Variants in BLTP1 observed in about 807,000 individuals in gnomAD.
BLTP1 encodes fragile site-associated protein.
At chr4:122,356,439 A>G in the BLTP1 span, 1 of 208,508 alleles carries the variant, frequency 4.8e-6, no homozygotes, top group Admixed American at 6.5e-5. Flanking sequence ...AATTGGATAA[A>G]GGATACTCAA....
chr4:122,251,584 G>T, the BLTP1 span: 1 of 985,138 alleles, frequency 1.0e-6, no homozygotes, highest in Non-Finnish European at 1.2e-6. Context: ...CTGGACAAAA[G>T]AGCTGAGAAA....
At chr4:122,311,389 T>G in the BLTP1 span, among the ~76,000 whole-genome samples, 1 of 152,160 alleles carries the variant, frequency 6.6e-6, no homozygotes, top group Non-Finnish European at 1.5e-5. Context: ...CAGAAGGAGA[T>G]AAGCAGAGTA....
the BLTP1 span, chr4:122,337,123 CAGG>C: frequency 9.6e-7 from 1 of 1,042,176 alleles, no homozygotes; most frequent in Admixed American, 2.3e-5. Context: ...TTCTTAACCT[CAGG>C]TTCATGAACC....
the BLTP1 span, among the ~76,000 whole-genome samples, chr4:122,270,711 C>T: frequency 3.9e-5 from 6 of 152,054 alleles, no homozygotes; most frequent in East Asian, 9.7e-4. Flanking sequence ...CAATACTCTA[C>T]GGCAATACCA....
At chr4:122,222,833 T>G in the BLTP1 span, 5 of 200,602 alleles carry the variant, frequency 2.5e-5, no homozygotes, top group Non-Finnish European at 4.4e-5. Context: ...GTTCCAGGGC[T>G]TCAGACTTGA....
chr4:122,318,211 G>C, the BLTP1 span: 1 of 1,611,832 alleles, frequency 6.2e-7, no homozygotes. Flanking sequence ...GTTAGAATCT[G>C]TGGCTGTGAA....
the BLTP1 span, chr4:122,236,927 A>T: frequency 1.0e-6 from 1 of 985,314 alleles, no homozygotes; most frequent in East Asian, 1.1e-4. Flanking sequence ...CCAGGAATGG[A>T]GTACAGATGC....
chr4:122,287,530 C>A, the BLTP1 span: 7 of 974,564 alleles, frequency 7.2e-6, no homozygotes, highest in Non-Finnish European at 8.5e-6. Flanking sequence ...TTCAGACACA[C>A]TGTGCTGTGT....
chr4:122,358,088 G>A, the BLTP1 span, among the ~76,000 whole-genome samples: 1 of 152,112 alleles, frequency 6.6e-6, no homozygotes, highest in Non-Finnish European at 1.5e-5. Flanking sequence ...TATATAAGTA[G>A]ATAAAATCTT....
the BLTP1 span, chr4:122,287,473 C>G: frequency 1.6e-5 from 8 of 498,836 alleles, no homozygotes; most frequent in Non-Finnish European, 2.1e-5. Flanking sequence ...GTCTCGAGAC[C>G]TAGCTATCAA....
At chr4:122,324,178 C>T in the BLTP1 span, among the ~76,000 whole-genome samples, 1 of 152,076 alleles carries the variant, frequency 6.6e-6, no homozygotes, top group South Asian at 2.1e-4. Flanking sequence ...CTCATCCCTA[C>T]CCCCAAACTT....
At chr4:122,297,031 C>G in the BLTP1 span, among the ~76,000 whole-genome samples, 2 of 152,150 alleles carry the variant, frequency 1.3e-5, no homozygotes, top group Non-Finnish European at 2.9e-5. Flanking sequence ...ATGATGCAAA[C>G]TCCAAAAGCA....
At chr4:122,229,615 G>A in the BLTP1 span, 9 of 540,118 alleles carry the variant, frequency 1.7e-5, no homozygotes, top group African/African-American at 2.1e-5. Flanking sequence ...ACTCTTTTAT[G>A]GATTGTAGTG....
At chr4:122,186,120 T>G in the BLTP1 span, 1 of 1,612,546 alleles carries the variant, frequency 6.2e-7, no homozygotes, top group Non-Finnish European at 8.5e-7. Flanking sequence ...TATGGACGCC[T>G]TCAAGAGTTG....
the BLTP1 span, among the ~76,000 whole-genome samples, chr4:122,280,376 G>A: frequency 6.6e-6 from 1 of 152,164 alleles, no homozygotes; most frequent in Non-Finnish European, 1.5e-5. Flanking sequence ...TATGTCCCAA[G>A]GCAGCATTTG....
At chr4:122,260,097 A>C in the BLTP1 span, 1 of 185,326 alleles carries the variant, frequency 5.4e-6, no homozygotes, top group African/African-American at 2.4e-5. Context: ...ATGATGGTAC[A>C]GCCTACTACA....
At chr4:122,270,895 G>C in the BLTP1 span, 1 of 1,316,660 alleles carries the variant, frequency 7.6e-7, no homozygotes, top group Non-Finnish European at 1.0e-6. Flanking sequence ...TGGTTTGCTT[G>C]CTTAAAATTA....
the BLTP1 span, chr4:122,182,846 C>T: frequency 1.0e-6 from 1 of 984,528 alleles, no homozygotes; most frequent in Admixed American, 6.2e-5. Flanking sequence ...AATCCCTCTC[C>T]CAGCTTAACA....
chr4:122,359,608 T>C, the BLTP1 span: 1 of 1,612,530 alleles, frequency 6.2e-7, no homozygotes. Context: ...AAAAGTCCAA[T>C]TATTATACAT....
Sources: allele counts gnomAD v4.1 joint callset (sites outside exome capture counted in the v4.1 genomes callset), GRCh38; gene constraint gnomAD v4.1.1; transcripts MANE v1.5; gene names NCBI Gene and HGNC (gene_info 2026-07-23, HGNC 2026-07-21).